Variants in SSH1 observed in about 807,000 individuals in gnomAD.
SSH1 encodes the protein protein phosphatase Slingshot homolog 1.
A neutral mutation model predicts 79.7 loss-of-function variants in SSH1; 43 were observed. That is an observed-to-expected ratio of 0.54 (90% CI 0.42 to 0.70). The LOEUF is 0.70. SSH1 is among the 30% of genes least tolerant of loss of function. The probability of loss-of-function intolerance (pLI) is 0.00; values close to 1 mark genes in which losing one functional copy is unlikely to be tolerated. For missense variants in SSH1, 1,206 were observed against 1,358.8 expected (o/e 0.89, Z 1.77); for synonymous variants, 599 against 538.3 (o/e 1.11, Z -1.56).
intron 12 of SSH1, 139 bp downstream of exon 12, chr12:108,800,641 A>AG: frequency 2.0e-6 from 2 of 1,010,302 alleles, no homozygotes; most frequent in Non-Finnish European, 3.0e-6. Context: ...CACTCCCACC[A>AG]GCCAACTCCT....
chr12:108,789,697 G>A (rs372850471), intron 14 of SSH1, among the ~76,000 whole-genome samples: 86 of 152,286 alleles, frequency 5.6e-4, no homozygotes, highest in African/African-American at 2.0e-3. Flanking sequence ...CACTTCAGCT[G>A]AGGCTTCTGG....
Position 108,805,721 on chromosome 12 carries a change from A to G in SSH1, c.826-537T>C, listed in dbSNP as rs190976064. On this transcript the variant is annotated intron_variant, in intron 9 of 14. Transcript: ENST00000326495. Reference sequence around the variant, plus strand: ...AAAAAAAAAAAAAGATTATAAATGAACTTTTAAAATGTCAATTTTAACTTC... The same window carrying G: ...AAAAAAAAAAAAAGATTATAAATGAGCTTTTAAAATGTCAATTTTAACTTC... Among the ~76,000 whole-genome samples the G allele has an allele frequency of 2.4e-4, 37 of 152,190 alleles. No individual in the cohort carries two copies. In the East Asian group the frequency reaches 6.9e-3, roughly 29 times the overall value.
At chr12:108,818,156 C>T (rs764483990) in intron 4 of SSH1, 93 bp downstream of exon 4, 13 of 1,032,408 alleles carry the variant, frequency 1.3e-5, no homozygotes, top group Non-Finnish European at 1.7e-5. Context: ...TAAGATCATG[C>T]CACTGCACTC....
In SSH1 at chr12:108,785,549, C is replaced by G. The variant is rs1430763098; in HGVS notation, c.*2439G>C. ...AGCATCAAGTCCAGAATGCTTCACT[C>G]TGCTCTGTGGACGGGACCAGCGCTC... On this transcript the variant is annotated 3_prime_UTR_variant, in exon 15 of 15. Transcript: ENST00000326495. 6.6e-6 allele frequency: 1 copy of G among 152,212 alleles called. No individual in the cohort carries two copies. Among genetic ancestry groups the G allele is most frequent in the Non-Finnish European group, 1.5e-5 (1 of 68,040 alleles). The allele number at this position is 152,212 out of a possible 1,614,324, so 9.4% of individuals were successfully genotyped here. A position where few individuals can be genotyped will look rare whatever the true frequency, so the allele number is the denominator to read the frequency against.
intron 2 of SSH1, among the ~76,000 whole-genome samples, chr12:108,824,508 T>C (rs1226601148): frequency 1.3e-5 from 2 of 151,938 alleles, no homozygotes; most frequent in African/African-American, 2.4e-5. Flanking sequence ...GATACTGACT[T>C]GTGATTTAAC....
At chr12:108,856,879 C>A (rs1026521979) in intron 1 of SSH1, among the ~76,000 whole-genome samples, 1 of 152,228 alleles carries the variant, frequency 6.6e-6, no homozygotes, top group African/African-American at 2.4e-5. Context: ...CATCCAGTCA[C>A]CCCTGGACCC....
At chr12:108,800,483 G>A (rs561666717) in intron 12 of SSH1, among the ~76,000 whole-genome samples, 2 of 152,308 alleles carry the variant, frequency 1.3e-5, no homozygotes, top group South Asian at 2.1e-4. Context: ...CAGAGCTGAT[G>A]ATGACAACTG....
chr12:108,800,645 A>G (rs1420407379), intron 12 of SSH1, 135 bp downstream of exon 12: 1 of 1,049,892 alleles, frequency 9.5e-7, no homozygotes. Context: ...CCCACCAGCC[A>G]ACTCCTGCGT....
At chr12:108,827,669 G>A (rs972055068) in intron 2 of SSH1, 1 of 777,970 alleles carries the variant, frequency 1.3e-6, no homozygotes, top group Non-Finnish European at 1.7e-6. Context: ...GCACCGGGGT[G>A]TGCATTCGAC....
At chr12:108,842,926 T>G (rs1355697803) in intron 2 of SSH1, among the ~76,000 whole-genome samples, 1 of 152,190 alleles carries the variant, frequency 6.6e-6, no homozygotes, top group Non-Finnish European at 1.5e-5. Context: ...TTAACTGAAA[T>G]AATGCACACA....
At position 108,792,411 on chromosome 12, in the gene SSH1, T is replaced by C. The variant is rs374552387; in HGVS notation, c.1768A>G (p.Thr590Ala). Residue 590 changes from threonine to alanine, a missense_variant, in exon 14 of 15, where the codon ACG (threonine) becomes GCG (alanine). By Grantham distance (58) the Thr-to-Ala change is moderately conservative (BLOSUM62 0). This residue lies in a region of SSH1 where 709 missense variants were observed against 730.6 expected (regional missense o/e 0.97). Transcript: ENST00000326495. ...RSGSLLQVEE[T>A]EREEGLGAGR... ...GCTCCCAGGCCCTCCTCCCTTTCCGTCTCCTCCACCTGCAGCAAGGAGCCG... is the reference window on the plus strand; with the variant it reads ...GCTCCCAGGCCCTCCTCCCTTTCCGCCTCCTCCACCTGCAGCAAGGAGCCG... 60 of 1,614,120 alleles carry C rather than the reference T, an allele frequency of 3.7e-5. 1 individual carries two copies. Among genetic ancestry groups the C allele is most frequent in the East Asian group, 2.7e-4 (12 of 44,888 alleles).
At position 108,792,377 on chromosome 12, in the gene SSH1, C is replaced by A; in HGVS notation, c.1802G>T (p.Trp601Leu). The A allele has an allele frequency of 6.2e-7, 1 of 1,614,206 alleles. No individual in the cohort carries two copies. The highest frequency in any genetic ancestry group is 8.5e-7 in the Non-Finnish European group (1 of 1,180,038). Reference sequence around the variant, plus strand: ...ATCGAGCTGGGTTGGAAGCTGCCCCCACCTCCCTGCTCCCAGGCCCTCCTC... The same window carrying A: ...ATCGAGCTGGGTTGGAAGCTGCCCCAACCTCCCTGCTCCCAGGCCCTCCTC... ...EREEGLGAGR[W>L]GQLPTQLDQN... Residue 601 changes from tryptophan to leucine, a missense_variant, in exon 14 of 15, where the codon TGG becomes TTG. Trp to Leu is a moderately conservative substitution (Grantham distance 61). Coordinates refer to ENST00000326495, the MANE Select transcript of SSH1 (RefSeq NM_018984.4).
intron 1 of SSH1, among the ~76,000 whole-genome samples, chr12:108,853,573 T>C (rs908010770): frequency 5.3e-5 from 8 of 151,704 alleles, no homozygotes; most frequent in African/African-American, 1.9e-4. Context: ...AGAGATAATG[T>C]AGGGAGGGGC....
chr12:108,837,395 C>G (rs2038662819), intron 2 of SSH1, among the ~76,000 whole-genome samples: 1 of 152,152 alleles, frequency 6.6e-6, no homozygotes, highest in South Asian at 2.1e-4. Flanking sequence ...TATGGTGACT[C>G]TTGAATGGGG....
intron 2 of SSH1, chr12:108,827,646 G>T (rs529011941): frequency 2.9e-6 from 3 of 1,046,734 alleles, no homozygotes; most frequent in East Asian, 3.7e-5. Context: ...TTTTCTGTAG[G>T]CCGGAGAAAC....
At chr12:108,835,962 T>TAACTATATTAATATAATCGATTAC (rs2038605703) in intron 2 of SSH1, among the ~76,000 whole-genome samples, 1 of 147,274 alleles carries the variant, frequency 6.8e-6, no homozygotes, top group Non-Finnish European at 1.5e-5. Flanking sequence ...TAATCGATTA[T>TAACTATATTAATATAATCGATTAC]AACTATATTA....
At chr12:108,834,732 T>C (rs2038557241) in intron 2 of SSH1, among the ~76,000 whole-genome samples, 2 of 152,170 alleles carry the variant, frequency 1.3e-5, no homozygotes, top group South Asian at 4.1e-4. Context: ...ATTTACTAAC[T>C]AGTGGTGAAG....
chr12:108,808,480 C>T (rs138297851), intron 7 of SSH1, among the ~76,000 whole-genome samples: 41 of 152,348 alleles, frequency 2.7e-4, no homozygotes, highest in African/African-American at 9.6e-4. Flanking sequence ...GGTTATTTTA[C>T]AACCCATCAA....
intron 2 of SSH1, among the ~76,000 whole-genome samples, chr12:108,842,026 G>A (rs1414882828): frequency 1.3e-5 from 2 of 152,098 alleles, no homozygotes; most frequent in African/African-American, 4.8e-5. Flanking sequence ...CTACTTGGGA[G>A]GCTGAGGTGG....
Sources: gnomAD v4.1 joint callset for allele counts (sites outside exome capture counted in the v4.1 genomes callset) on GRCh38, gnomAD v4.1.1 for gene constraint, gnomAD v4.1.1 regional missense constraint, MANE v1.5 for transcripts, NCBI Gene and HGNC (gene_info 2026-07-23, HGNC 2026-07-21) for gene names.